TTC23: variants seen among roughly 807,000 people sequenced by gnomAD.
TTC23 encodes the protein tetratricopeptide repeat protein 23.
A neutral mutation model predicts 55.1 loss-of-function variants in TTC23; 58 were observed. The ratio of observed to expected loss-of-function variants is 1.05; its 90% CI spans 0.85 to 1.31. The LOEUF is 1.31. Ranked by LOEUF, TTC23 falls within the 50% of genes most tolerant of loss-of-function variation. TTC23 has a pLI of 0.00. For missense variants in TTC23, 516 were observed against 534.4 expected (o/e 0.97, Z 0.34); for synonymous variants, 203 against 199.9 (o/e 1.02, Z -0.13).
chr15:99,197,871 C>G (rs958144127), intron 9 of TTC23, among the ~76,000 whole-genome samples: 2 of 151,636 alleles, frequency 1.3e-5, no homozygotes, highest in Non-Finnish European at 1.5e-5. Flanking sequence ...ATACTGCACT[C>G]CAGCCTGGGC....
At chr15:99,235,287 A>G (rs905321595) in intron 3 of TTC23, among the ~76,000 whole-genome samples, 1 of 151,744 alleles carries the variant, frequency 6.6e-6, no homozygotes, top group Non-Finnish European at 1.5e-5. Flanking sequence ...AAAAATATAT[A>G]TATATAAAAT....
At chr15:99,235,407 T>C (rs1021946893) in intron 3 of TTC23, among the ~76,000 whole-genome samples, 1 of 151,322 alleles carries the variant, frequency 6.6e-6, no homozygotes, top group Non-Finnish European at 1.5e-5. Flanking sequence ...AGTCTTGCTC[T>C]GTCGCCAGGC....
chr15:99,184,780 G>A lies in TTC23; in HGVS notation c.760-9625C>T, dbSNP rs952813358. 9.9e-5 allele frequency among the ~76,000 whole-genome samples: 15 copies of A among 152,258 alleles called. No individual in the cohort carries two copies. The East Asian group carries it at 2.9e-3, about 29-fold the overall frequency. On this transcript the variant is annotated intron_variant, in intron 9 of 13. Coordinates refer to ENST00000394132, the MANE Select transcript of TTC23 (RefSeq NM_001288615.3). The stretch of plus-strand genomic sequence containing the variant: ...GGCATGACTATGTTTTGAAATGTGA[G>A]GACATGAGATATGGGAGAGGCCACA...
chr15:99,207,781 C>A (rs747311640), intron 8 of TTC23, among the ~76,000 whole-genome samples: 5 of 152,050 alleles, frequency 3.3e-5, no homozygotes, highest in Non-Finnish European at 7.4e-5. Context: ...GATAAATAAA[C>A]CATAAGATAT....
intron 5 of TTC23, among the ~76,000 whole-genome samples, chr15:99,223,311 T>C (rs1410229671): frequency 6.6e-6 from 1 of 152,200 alleles, no homozygotes; most frequent in African/African-American, 2.4e-5. Context: ...TTTTTGAAGA[T>C]GAGGTCTTTA....
chr15:99,168,649 A>G (rs2072486259), intron 10 of TTC23, among the ~76,000 whole-genome samples: 1 of 152,214 alleles, frequency 6.6e-6, no homozygotes, highest in Admixed American at 6.5e-5. Flanking sequence ...AGAAATGAAG[A>G]CAGGCTTTGC....
intron 9 of TTC23, among the ~76,000 whole-genome samples, chr15:99,188,679 A>G (rs1441080874): frequency 9.9e-5 from 15 of 152,142 alleles, no homozygotes; most frequent in Non-Finnish European, 1.5e-5. Context: ...GACAAAAAAT[A>G]TATGAAAGTC....
At chr15:99,226,556 C>G (rs1327669935) in intron 5 of TTC23, among the ~76,000 whole-genome samples, 1 of 152,160 alleles carries the variant, frequency 6.6e-6, no homozygotes, top group African/African-American at 2.4e-5. Flanking sequence ...ATTTTTAAGG[C>G]CTTCCAGGGC....
rs192800554 is a variant in TTC23, at chr15:99,218,806, C to T, written c.455+92G>A. ...GCTCCCATACTTCCAATCACACTTC[C>T]TAAGTCATCCATCAGCATCAGCTTT... is the stretch of plus-strand genomic sequence containing the variant. On this transcript the variant is annotated intron_variant, in intron 7 of 13. Transcript: ENST00000394132. The T allele has an allele frequency of 3.5e-4, 555 of 1,598,084 alleles. 9 individuals are homozygous for T. In the East Asian group the frequency reaches 7.7e-3, roughly 22 times the overall value.
chr15:99,153,612 A>C (rs1400169812), intron 12 of TTC23, among the ~76,000 whole-genome samples: 1 of 152,248 alleles, frequency 6.6e-6, no homozygotes, highest in Non-Finnish European at 1.5e-5. Context: ...AACTTATGAG[A>C]TACATTTAGA....
chr15:99,187,518 AC>A (rs1031665046), intron 9 of TTC23, among the ~76,000 whole-genome samples: 1 of 151,448 alleles, frequency 6.6e-6, no homozygotes, highest in African/African-American at 2.4e-5. Context: ...AAAATGAAAA[AC>A]TTTTGTGCTT....
intron 9 of TTC23, among the ~76,000 whole-genome samples, chr15:99,180,351 A>G (rs2073998588): frequency 6.6e-6 from 1 of 152,162 alleles, no homozygotes; most frequent in East Asian, 1.9e-4. Flanking sequence ...AATTAAAAAA[A>G]AAAAAAACAA....
At chr15:99,227,148 C>A (rs551859541) in intron 5 of TTC23, among the ~76,000 whole-genome samples, 1 of 152,280 alleles carries the variant, frequency 6.6e-6, no homozygotes, top group South Asian at 2.1e-4. Context: ...TGAACAAGCA[C>A]AACCTCAAAA....
chr15:99,201,158 A>G (rs1276588872), intron 8 of TTC23, among the ~76,000 whole-genome samples: 1 of 152,210 alleles, frequency 6.6e-6, no homozygotes, highest in Non-Finnish European at 1.5e-5. Flanking sequence ...AAAATGTGTT[A>G]CTTTTATATC....
intron 11 of TTC23, among the ~76,000 whole-genome samples, chr15:99,161,421 G>C (rs935292360): frequency 3.3e-5 from 5 of 152,184 alleles, no homozygotes; most frequent in Admixed American, 3.3e-4. Context: ...ACTGAGGAGA[G>C]AGGGATTAGA....
intron 8 of TTC23, among the ~76,000 whole-genome samples, chr15:99,217,906 G>A (rs974275564): frequency 2.0e-5 from 3 of 152,108 alleles, no homozygotes; most frequent in Non-Finnish European, 4.4e-5. Flanking sequence ...GAATTCTTCC[G>A]GCTTTGGCTA....
At chr15:99,204,364 CTTAT>C (rs911498908) in intron 8 of TTC23, among the ~76,000 whole-genome samples, 5 of 152,006 alleles carry the variant, frequency 3.3e-5, no homozygotes, top group Admixed American at 2.6e-4. Context: ...GTTTGAACTC[CTTAT>C]TTATTCTGGT....
chr15:99,209,319 C>G (rs2076859407), intron 8 of TTC23, among the ~76,000 whole-genome samples: 1 of 152,160 alleles, frequency 6.6e-6, no homozygotes, highest in African/African-American at 2.4e-5. Flanking sequence ...AAACCAATCC[C>G]AAAAGATAAC....
At chr15:99,163,007 C>T (rs2071579307) in intron 10 of TTC23, among the ~76,000 whole-genome samples, 1 of 152,000 alleles carries the variant, frequency 6.6e-6, no homozygotes, top group Non-Finnish European at 1.5e-5. Flanking sequence ...TGTTTGAGCC[C>T]AGGAGGTTGA....
Sources: allele counts gnomAD v4.1 joint callset (sites outside exome capture counted in the v4.1 genomes callset), GRCh38; gene constraint gnomAD v4.1.1; transcripts MANE v1.5; gene names NCBI Gene and HGNC (gene_info 2026-07-23, HGNC 2026-07-21).